PER2: variants seen among roughly 807,000 people sequenced by gnomAD.
PER2 encodes the protein period circadian protein homolog 2.
PER2 carries 66 observed loss-of-function variants against 121.0 expected under a neutral mutation model. That is an observed-to-expected ratio of 0.55 (90% CI 0.45 to 0.67). The LOEUF (loss-of-function observed/expected upper bound fraction) is 0.67, where lower values mean the gene tolerates loss of function less well. Among genes scored for constraint, PER2 ranks in the 30% least tolerant of loss-of-function variants. PER2 has a pLI of 0.00. For synonymous variants in PER2, 684 were observed against 659.9 expected (o/e 1.04, Z -0.56); for missense variants, 1,521 against 1,635.0 (o/e 0.93, Z 1.20).
intron 22 of PER2, 54 bp from the exon 23 acceptor site, chr2:238,246,578 C>CA (rs1401972568): frequency 1.1e-5 from 15 of 1,356,276 alleles, no homozygotes; most frequent in African/African-American, 8.5e-5. Flanking sequence ...TGAGTTGTTA[C>CA]AAAAGTCATT....
At chr2:238,259,849 G>T in intron 14 of PER2, 120 bp downstream of exon 14, 1 of 665,840 alleles carries the variant, frequency 1.5e-6, no homozygotes. Context: ...AGAAGGGGGT[G>T]TGACACGGCT....
chr2:238,250,570 T>A lies in PER2; in HGVS notation c.3448A>T (p.Thr1150Ser), dbSNP rs1332741428. The A allele has an allele frequency of 6.2e-7, 1 of 1,613,062 alleles. No homozygotes were observed. The highest frequency in any genetic ancestry group is 1.7e-5 in the Admixed American group (1 of 59,938). Reference sequence around the variant, plus strand: ...GGTTACCGGGAAGGCAGCTGGTACGTCATCATGACGCTGCTGTCCGCATCT... The same window carrying A: ...GGTTACCGGGAAGGCAGCTGGTACGACATCATGACGCTGCTGTCCGCATCT... ...MADADSSVMM[T>S]YQLPSRNLEA... The change falls in exon 21 of 23, where the codon ACG (threonine) becomes TCG (serine). Residue 1150 changes from threonine to serine, a missense_variant. By Grantham distance (58) the Thr-to-Ser change is moderately conservative. Transcript: ENST00000254657.
chr2:238,258,272 A>C lies in PER2; in HGVS notation c.1900+4T>G. On this transcript the variant is annotated splice_donor_region_variant and intron_variant, in intron 16 of 22. Transcript: ENST00000254657. ...ATGTACATGGCTCTACACAGATTAGATACCTCCAGCGTGTGGCCCTGGGCT... is the reference window on the plus strand; with the variant it reads ...ATGTACATGGCTCTACACAGATTAGCTACCTCCAGCGTGTGGCCCTGGGCT... 1.2e-6 allele frequency: 2 copies of C among 1,614,176 alleles called. No individual in the cohort carries two copies. The highest frequency in any genetic ancestry group is 1.7e-6 in the Non-Finnish European group (2 of 1,179,996).
At chr2:238,248,678 CAG>C (rs1491372429) in intron 22 of PER2, among the ~76,000 whole-genome samples, 70 of 136,290 alleles carry the variant, frequency 5.1e-4, no homozygotes, top group African/African-American at 1.7e-3. Flanking sequence ...TTTTTTGAGA[CAG>C]AGTCTTGCTC....
chr2:238,247,876 C>T (rs201653664), intron 22 of PER2, among the ~76,000 whole-genome samples: 5 of 152,182 alleles, frequency 3.3e-5, no homozygotes, highest in Admixed American at 6.5e-5. Context: ...GAACTGTCAC[C>T]GGAGGTGACA....
chr2:238,250,703 G>A lies in PER2; in HGVS notation c.3315C>T (p.Ser1105=), dbSNP rs780651806. Residue 1105 remains serine (S), a synonymous_variant, in exon 21 of 23, where the codon AGC becomes AGT. Transcript: ENST00000254657. The part of the protein sequence containing the change: ...DTSHTSKYFG[S]IDSSENNHKA... Reference sequence around the variant, plus strand: ...TGTGATTATTCTCTGAGGAGTCAATGCTTCCAAAATATTTGCTGGTATGAC... The same window carrying A: ...TGTGATTATTCTCTGAGGAGTCAATACTTCCAAAATATTTGCTGGTATGAC... The A allele has an allele frequency of 1.4e-5, 23 of 1,613,796 alleles. No homozygotes were observed. Among genetic ancestry groups the A allele is most frequent in the Non-Finnish European group, 1.8e-5 (21 of 1,179,762 alleles).
intron 1 of PER2, among the ~76,000 whole-genome samples, chr2:238,278,224 C>G (rs1044377782): frequency 2.0e-5 from 3 of 152,118 alleles, no homozygotes; most frequent in Admixed American, 6.5e-5. Context: ...CACTCACCAC[C>G]ATGCCTGGTT....
chr2:238,262,202 G>A lies in PER2; in HGVS notation c.1296C>T (p.His432=). The A allele has an allele frequency of 6.2e-7, 1 of 1,613,774 alleles. No individual in the cohort carries two copies. The highest frequency in any genetic ancestry group is 8.5e-7 in the Non-Finnish European group (1 of 1,180,004). ...SRKISFIIGR[H]KVRVGPLNED... ...CTTGGAGCACTCACACCCTGACTTTGTGCCTCCCAATGATGAAGGAGATTT... is the reference window on the plus strand; with the variant it reads ...CTTGGAGCACTCACACCCTGACTTTATGCCTCCCAATGATGAAGGAGATTT... Residue 432 remains histidine (H), a synonymous_variant, in exon 11 of 23, where the codon CAC becomes CAT. Coordinates refer to ENST00000254657, the MANE Select transcript of PER2 (RefSeq NM_022817.3).
intron 22 of PER2, among the ~76,000 whole-genome samples, chr2:238,248,044 A>G (rs974018135): frequency 6.6e-6 from 1 of 152,238 alleles, no homozygotes; most frequent in East Asian, 1.9e-4. Context: ...CCTGATAAGT[A>G]GAGCCCAGGA....
At chr2:238,279,472 A>AC (rs1395629341) in intron 1 of PER2, among the ~76,000 whole-genome samples, 1 of 151,582 alleles carries the variant, frequency 6.6e-6, no homozygotes, top group Non-Finnish European at 1.5e-5. Context: ...TGAAGATGGG[A>AC]CCCCCACCCT....
rs146261525 is a variant in PER2, at chr2:238,257,056, C to A, written c.1931G>T (p.Arg644Leu). The A allele has an allele frequency of 1.2e-6, 2 of 1,613,024 alleles. No individual in the cohort carries two copies. The highest frequency in any genetic ancestry group is 1.7e-6 in the Non-Finnish European group (2 of 1,179,908). Residue 644 changes from arginine to leucine, a missense_variant, in exon 17 of 23, where the codon CGC becomes CTC. Physicochemically the swap from Arg to Leu is moderately radical, Grantham distance 102. Coordinates refer to ENST00000254657, the MANE Select transcript of PER2 (RefSeq NM_022817.3). ...GGTCAGGTGCGTACCTACTCCCGTG[C>A]GGCTGTTCACCCTGGAGGGCGGCTC... is the stretch of plus-strand genomic sequence containing the variant. ...EAEPPSRVNS[R>L]TGVGTHLTSL...
chr2:238,251,799 TCA>T, intron 19 of PER2, 38 bp from the exon 20 acceptor site: 2 of 1,234,142 alleles, frequency 1.6e-6, no homozygotes, highest in Non-Finnish European at 2.2e-6. Flanking sequence ...GTTCAGGGGC[TCA>T]GTCAGGACAC....
chr2:238,282,045 G>A (rs1156928083), intron 1 of PER2, among the ~76,000 whole-genome samples: 2 of 152,170 alleles, frequency 1.3e-5, no homozygotes, highest in East Asian at 3.8e-4. Flanking sequence ...CATCTAGAGC[G>A]ATCCTGGTGA....
At chr2:238,298,065 C>G in the PER2 span, among the ~76,000 whole-genome samples, 1 of 148,122 alleles carries the variant, frequency 6.8e-6, no homozygotes, top group Non-Finnish European at 1.5e-5. Context: ...CGGAGTCTCG[C>G]TCTGTCCCCC....
At chr2:238,287,421 G>C (rs893622452) in intron 1 of PER2, among the ~76,000 whole-genome samples, 2 of 152,234 alleles carry the variant, frequency 1.3e-5, no homozygotes, top group Admixed American at 1.3e-4. Context: ...AGCCCCAGGT[G>C]GGGGTAGAGG....
At chr2:238,278,737 G>A (rs534397179) in intron 1 of PER2, among the ~76,000 whole-genome samples, 12 of 152,284 alleles carry the variant, frequency 7.9e-5, no homozygotes, top group African/African-American at 2.2e-4. Context: ...AGGGCTTGCC[G>A]GGTAAAGAGG....
chr2:238,276,147 T>G (rs1032087093), intron 3 of PER2, among the ~76,000 whole-genome samples: 8 of 148,488 alleles, frequency 5.4e-5, no homozygotes. Context: ...TGGCCCTTTG[T>G]GGGGCTCTGT....
intron 6 of PER2, among the ~76,000 whole-genome samples, chr2:238,270,756 G>A (rs1696259748): frequency 6.6e-6 from 1 of 152,242 alleles, no homozygotes; most frequent in African/African-American, 2.4e-5. Flanking sequence ...GTGGCTACAG[G>A]GGCAGGCCCA....
intron 18 of PER2, chr2:238,255,352 C>T (rs1424276564): frequency 4.2e-6 from 2 of 481,490 alleles, no homozygotes; most frequent in Non-Finnish European, 7.6e-6. Context: ...CAGGTGGGGC[C>T]CCTGCCCACA....
Sources: gnomAD v4.1 joint callset for allele counts (sites outside exome capture counted in the v4.1 genomes callset) on GRCh38, gnomAD v4.1.1 for gene constraint, MANE v1.5 for transcripts, NCBI Gene and HGNC (gene_info 2026-07-23, HGNC 2026-07-21) for gene names.